The following TPRG1 variants were observed in gnomAD, a reference collection of about 807,000 sequenced individuals.
The protein encoded by TPRG1 is tumor protein p63-regulated gene 1 protein.
In TPRG1, 29 loss-of-function variants were observed where a neutral mutation model predicts 29.3. The ratio of observed to expected loss-of-function variants is 0.99; its 90% CI spans 0.74 to 1.35. The LOEUF (loss-of-function observed/expected upper bound fraction) is 1.35, where lower values mean the gene tolerates loss of function less well. Ranked by LOEUF, TPRG1 falls within the 40% of genes most tolerant of loss-of-function variation. The pLI is 0.00. For missense variants in TPRG1, 327 were observed against 335.0 expected (o/e 0.98, Z 0.19); for synonymous variants, 130 against 116.8 (o/e 1.11, Z -0.73).
intron 3 of TPRG1, among the ~76,000 whole-genome samples, chr3:189,022,229 G>A (rs1285546617): frequency 6.6e-6 from 1 of 152,016 alleles, no homozygotes; most frequent in Non-Finnish European, 1.5e-5. Context: ...TCTTCTTTCA[G>A]CTCGTCAAAG....
At chr3:189,160,472 C>T (rs1269049959) in intron 5 of TPRG1, among the ~76,000 whole-genome samples, 1 of 152,122 alleles carries the variant, frequency 6.6e-6, no homozygotes, top group African/African-American at 2.4e-5. Context: ...TTAGGTTTTT[C>T]TCAGCATTTA....
At chr3:189,302,541 GACA>G (rs1316563736) in intron 4 of TPRG1, among the ~76,000 whole-genome samples, 1 of 152,180 alleles carries the variant, frequency 6.6e-6, no homozygotes, top group Non-Finnish European at 1.5e-5. Context: ...CTCTAGCAAT[GACA>G]ACATTTCATG....
At chr3:189,069,895 T>A (rs1716703710) in intron 4 of TPRG1, among the ~76,000 whole-genome samples, 1 of 152,100 alleles carries the variant, frequency 6.6e-6, no homozygotes, top group Non-Finnish European at 1.5e-5. Flanking sequence ...CTGGCCAACA[T>A]GGTGAAACCC....
At chr3:189,081,255 G>C (rs1269578100) in intron 4 of TPRG1, among the ~76,000 whole-genome samples, 2 of 152,104 alleles carry the variant, frequency 1.3e-5, no homozygotes, top group East Asian at 1.9e-4. Flanking sequence ...AATGAATGAG[G>C]AAAAAATGCG....
intron 4 of TPRG1, among the ~76,000 whole-genome samples, chr3:189,241,790 G>T (rs1740646853): frequency 6.6e-6 from 1 of 152,072 alleles, no homozygotes; most frequent in African/African-American, 2.4e-5. Context: ...TTCTGCTTTT[G>T]CTTCTTGCTC....
chr3:189,118,633 T>C (rs1298956434), intron 1 of TPRG1, among the ~76,000 whole-genome samples: 1 of 152,170 alleles, frequency 6.6e-6, no homozygotes, highest in Non-Finnish European at 1.5e-5. Flanking sequence ...TCCCAGCTGC[T>C]TCAGCTCCAG....
chr3:189,030,872 G>T (rs1175368692), intron 4 of TPRG1, among the ~76,000 whole-genome samples: 2 of 152,154 alleles, frequency 1.3e-5, no homozygotes, highest in Admixed American at 6.5e-5. Flanking sequence ...GTTGTCATTT[G>T]TCCAAGATCA....
At chr3:189,244,634 C>T (rs897960021) in intron 4 of TPRG1, among the ~76,000 whole-genome samples, 2 of 152,074 alleles carry the variant, frequency 1.3e-5, no homozygotes, top group African/African-American at 4.8e-5. Flanking sequence ...CACTCACTAT[C>T]ATGAGGAGAG....
Position 189,324,445 on chromosome 3 carries a change from G to C in TPRG1, c.*3625G>C, listed in dbSNP as rs756721963. 8 of 152,128 alleles carry C rather than the reference G, an allele frequency of 5.3e-5. No homozygotes were observed. Among genetic ancestry groups the C allele is most frequent in the Non-Finnish European group, 1.2e-4 (8 of 68,030 alleles). 9.4% of individuals were successfully genotyped at this position (152,128 alleles called of 1,614,324 possible). On this transcript the variant is annotated 3_prime_UTR_variant, in exon 6 of 6. Transcript: ENST00000345063. ...TGAATTGATGTATCGTAGTTGTTGA[G>C]ATAATTTTGAAATGAGAAAACAATA... is the stretch of plus-strand genomic sequence containing the variant.
intron 3 of TPRG1, among the ~76,000 whole-genome samples, chr3:189,007,489 C>A (rs1458872529): frequency 1.3e-5 from 2 of 151,440 alleles, no homozygotes; most frequent in Non-Finnish European, 1.5e-5. Flanking sequence ...GTCAGTGTGG[C>A]GATTCCTCAG....
intron 3 of TPRG1, among the ~76,000 whole-genome samples, chr3:189,019,898 C>T (rs1437773971): frequency 2.6e-5 from 4 of 151,092 alleles, no homozygotes. Context: ...TGATTATTGC[C>T]ACAATTTCAG....
At chr3:189,209,186 G>A (rs1196525155) in intron 2 of TPRG1, among the ~76,000 whole-genome samples, 6 of 152,180 alleles carry the variant, frequency 3.9e-5, no homozygotes, top group Non-Finnish European at 5.9e-5. Flanking sequence ...TAGAAAAAAA[G>A]CCTGACTGTG....
intron 1 of TPRG1, among the ~76,000 whole-genome samples, chr3:189,113,137 A>T (rs1458376051): frequency 2.0e-5 from 3 of 152,158 alleles, no homozygotes; most frequent in Non-Finnish European, 2.9e-5. Flanking sequence ...TCTTTGAAGC[A>T]ATTGTGAATG....
chr3:189,317,071 C>G (rs1048962060), intron 5 of TPRG1, among the ~76,000 whole-genome samples: 1 of 152,146 alleles, frequency 6.6e-6, no homozygotes, highest in Non-Finnish European at 1.5e-5. Flanking sequence ...ATAGTGCCAA[C>G]TTTTACTTTC....
intron 4 of TPRG1, among the ~76,000 whole-genome samples, chr3:189,091,549 TAG>T (rs776295632): frequency 1.6e-4 from 25 of 152,192 alleles, no homozygotes; most frequent in Non-Finnish European, 2.9e-4. Flanking sequence ...TTATCTTTTC[TAG>T]AGTTTCATAT....
At chr3:189,056,869 C>T (rs1412120167) in intron 4 of TPRG1, among the ~76,000 whole-genome samples, 1 of 152,140 alleles carries the variant, frequency 6.6e-6, no homozygotes, top group Non-Finnish European at 1.5e-5. Flanking sequence ...ATGGCTGGTG[C>T]TTTGGAAAGC....
chr3:189,289,595 G>A (rs1278195147), intron 4 of TPRG1, among the ~76,000 whole-genome samples: 1 of 152,006 alleles, frequency 6.6e-6, no homozygotes, highest in African/African-American at 2.4e-5. Context: ...TGTAAAATGG[G>A]GATGATGATA....
chr3:189,062,720 G>C (rs1716199102), intron 4 of TPRG1, among the ~76,000 whole-genome samples: 1 of 152,060 alleles, frequency 6.6e-6, no homozygotes, highest in South Asian at 2.1e-4. Flanking sequence ...ATATGTATAT[G>C]TTGTAATATC....
intron 4 of TPRG1, among the ~76,000 whole-genome samples, chr3:189,265,946 C>T (rs1298692822): frequency 6.6e-6 from 1 of 152,100 alleles, no homozygotes; most frequent in Non-Finnish European, 1.5e-5. Flanking sequence ...TATTTGCAGC[C>T]AAACCTAGTC....
Sources: allele counts gnomAD v4.1 joint callset (sites outside exome capture counted in the v4.1 genomes callset), GRCh38; gene constraint gnomAD v4.1.1; transcripts MANE v1.5; gene names NCBI Gene and HGNC (gene_info 2026-07-23, HGNC 2026-07-21).